GOLIM4: variants seen among roughly 807,000 people sequenced by gnomAD.
GOLIM4 encodes the protein 130 kDa golgi-localized phosphoprotein.
Under a neutral mutation model 107.4 loss-of-function variants are expected in GOLIM4, and 71 were observed. That is an observed-to-expected ratio of 0.66 (90% CI 0.55 to 0.81). The LOEUF (loss-of-function observed/expected upper bound fraction) is 0.81, where lower values mean the gene tolerates loss of function less well. Among genes scored for constraint, GOLIM4 ranks in the 30% least tolerant of loss-of-function variants. The pLI is 0.00. For missense variants in GOLIM4, 830 were observed against 826.1 expected (o/e 1.00, Z -0.06); for synonymous variants, 327 against 294.8 (o/e 1.11, Z -1.12).
intron 3 of GOLIM4, among the ~76,000 whole-genome samples, chr3:168,046,616 C>T (rs917107490): frequency 6.6e-6 from 1 of 152,176 alleles, no homozygotes; most frequent in African/African-American, 2.4e-5. Flanking sequence ...TCCTGTGTTG[C>T]ATGTTACACA....
chr3:168,044,000 T>C (rs6795275), intron 4 of GOLIM4, among the ~76,000 whole-genome samples: 4 of 152,244 alleles, frequency 2.6e-5, no homozygotes, highest in Admixed American at 1.3e-4. Flanking sequence ...CCTTTGGGAA[T>C]AGTAATCAAC....
At chr3:168,046,006 A>C (rs1001492449) in intron 3 of GOLIM4, among the ~76,000 whole-genome samples, 2 of 152,116 alleles carry the variant, frequency 1.3e-5, no homozygotes, top group Non-Finnish European at 2.9e-5. Context: ...TCAGCTCTCA[A>C]GTAGCTGGGA....
rs570181545 is a variant in GOLIM4, at chr3:168,059,440, T to C, written c.188-11075A>G. Among the ~76,000 whole-genome samples the C allele has an allele frequency of 7.9e-5, 12 of 152,356 alleles. No homozygotes were observed. In the South Asian group the frequency reaches 1.9e-3, roughly 24 times the overall value. ...TGCAACATATCTTGGAAAAGGTTCA[T>C]AAAAGTAAGTCTTGTAAAAAGATGC... On this transcript the variant is annotated intron_variant, in intron 1 of 15. Coordinates refer to ENST00000470487, the MANE Select transcript of GOLIM4 (RefSeq NM_014498.5).
At chr3:168,078,497 A>G (rs28691822) in intron 1 of GOLIM4, among the ~76,000 whole-genome samples, 29,775 of 152,122 alleles carry the variant, frequency 0.2, 3,657 homozygotes, top group Middle Eastern at 0.29. Context: ...CTAGCACATC[A>G]GAATTTAAAA....
rs1560117106 is a variant in GOLIM4 at position 168,095,678 on chromosome 3, C to A, written c.-393G>T. The A allele has an allele frequency of 5.2e-6, 1 of 193,168 alleles. No homozygotes were observed. Among genetic ancestry groups the A allele is most frequent in the East Asian group, 1.8e-4 (1 of 5,676 alleles). The allele number at this position is 193,168 out of a possible 1,614,324, so 12.0% of individuals were successfully genotyped here. A position where few individuals can be genotyped will look rare whatever the true frequency, so the allele number is the denominator to read the frequency against. Reference sequence around the variant, plus strand: ...CTTGGAGTCCCGCCCTGGCCACTCCCCGCCCTATCGCGGCGGCTCCCACTG... The same window carrying A: ...CTTGGAGTCCCGCCCTGGCCACTCCACGCCCTATCGCGGCGGCTCCCACTG... On this transcript the variant is annotated 5_prime_UTR_variant, in exon 1 of 16. Transcript: ENST00000470487.
intron 5 of GOLIM4, among the ~76,000 whole-genome samples, chr3:168,043,091 C>T (rs552690629): frequency 6.6e-6 from 1 of 152,292 alleles, no homozygotes; most frequent in East Asian, 1.9e-4. Flanking sequence ...TGTCTCGCAA[C>T]CCAGTTAAGA....
At chr3:168,033,380 T>C (rs900809174) in intron 8 of GOLIM4, among the ~76,000 whole-genome samples, 56 of 150,556 alleles carry the variant, frequency 3.7e-4, no homozygotes, top group Non-Finnish European at 7.0e-4. Flanking sequence ...TCGAGGCGGG[T>C]GGATCACGAG....
At chr3:168,076,216 T>TA (rs1345051710) in intron 1 of GOLIM4, among the ~76,000 whole-genome samples, 1 of 152,244 alleles carries the variant, frequency 6.6e-6, no homozygotes, top group Non-Finnish European at 1.5e-5. Context: ...ACTTAATTTT[T>TA]AAATAAAAGA....
Position 168,095,486 on chromosome 3 carries a change from C to T in GOLIM4, c.-201G>A, listed in dbSNP as rs1722145511. 2.3e-5 allele frequency: 12 copies of T among 528,492 alleles called. 1 individual carries two copies. Among genetic ancestry groups the T allele is most frequent in the Non-Finnish European group, 3.3e-5 (10 of 302,322 alleles). The allele number at this position is 528,492 out of a possible 1,614,324, so 32.7% of individuals were successfully genotyped here. On this transcript the variant is annotated 5_prime_UTR_variant, in exon 1 of 16. Coordinates refer to ENST00000470487, the MANE Select transcript of GOLIM4 (RefSeq NM_014498.5). ...GGGGCGCGCAGCCATCGACGCCGCCCGGGCAGCTGCAGCCAAACTTCTGCG... is the reference window on the plus strand; with the variant it reads ...GGGGCGCGCAGCCATCGACGCCGCCTGGGCAGCTGCAGCCAAACTTCTGCG...
chr3:168,012,790 AG>A (rs1358295318), intron 14 of GOLIM4, among the ~76,000 whole-genome samples: 2 of 152,132 alleles, frequency 1.3e-5, no homozygotes, highest in Admixed American at 6.5e-5. Context: ...AGCCAAACTA[AG>A]CTTCATAAGC....
At position 168,095,511 on chromosome 3, in the gene GOLIM4, G is replaced by A. The variant is rs1223910265; in HGVS notation, c.-226C>T. On this transcript the variant is annotated 5_prime_UTR_variant, in exon 1 of 16. Coordinates refer to ENST00000470487, the MANE Select transcript of GOLIM4 (RefSeq NM_014498.5). ...CGGGCAGCTGCAGCCAAACTTCTGCGAGGCTCGTTCTCCGCGAATGCCCGG... is the reference window on the plus strand; with the variant it reads ...CGGGCAGCTGCAGCCAAACTTCTGCAAGGCTCGTTCTCCGCGAATGCCCGG... 4.0e-6 allele frequency: 2 copies of A among 505,844 alleles called. No individual in the cohort carries two copies. Among genetic ancestry groups the A allele is most frequent in the South Asian group, 2.5e-5 (1 of 39,692 alleles). 31.3% of individuals were successfully genotyped at this position (505,844 alleles called of 1,614,324 possible).
intron 1 of GOLIM4, among the ~76,000 whole-genome samples, chr3:168,054,602 C>CT: frequency 6.6e-6 from 1 of 151,826 alleles, no homozygotes; most frequent in Admixed American, 6.6e-5. Context: ...TTTGTTTTTA[C>CT]TTATTAATTA....
intron 14 of GOLIM4, among the ~76,000 whole-genome samples, chr3:168,021,601 G>A (rs1357167710): frequency 6.6e-6 from 1 of 152,076 alleles, no homozygotes; most frequent in Admixed American, 6.5e-5. Context: ...GGAAGGCGGA[G>A]GTTGCAGTGA....
intron 1 of GOLIM4, 33 bp from the exon 2 acceptor site, chr3:168,048,398 G>A: frequency 9.6e-7 from 1 of 1,046,022 alleles, no homozygotes; most frequent in East Asian, 2.5e-5. Flanking sequence ...TGTCTTCAAA[G>A]AATTAGAAAT....
chr3:168,095,058 G>A (rs769732529), intron 1 of GOLIM4, 41 bp downstream of exon 1: 128 of 1,523,488 alleles, frequency 8.4e-5, no homozygotes, highest in Non-Finnish European at 1.1e-4. Context: ...GAGGCGCGGG[G>A]CAAAGTTGGC....
intron 1 of GOLIM4, among the ~76,000 whole-genome samples, chr3:168,084,357 G>A (rs745518721): frequency 6.6e-6 from 1 of 152,160 alleles, no homozygotes; most frequent in Non-Finnish European, 1.5e-5. Context: ...AGCAATGTGA[G>A]AACAGACTAA....
At chr3:168,082,545 C>G (rs528245691) in intron 1 of GOLIM4, among the ~76,000 whole-genome samples, 13 of 152,154 alleles carry the variant, frequency 8.5e-5, no homozygotes, top group African/African-American at 2.9e-4. Flanking sequence ...TCACATGGAC[C>G]CTGCTCGAAC....
intron 1 of GOLIM4, among the ~76,000 whole-genome samples, chr3:168,064,376 C>T (rs1332100440): frequency 2.0e-5 from 3 of 152,128 alleles, no homozygotes; most frequent in Non-Finnish European, 4.4e-5. Context: ...AAATCCAAGA[C>T]AGCACATATT....
rs574454015 is a variant in GOLIM4 at position 168,044,979 on chromosome 3, C to T, written c.313-98G>A. ...TTAAAATATAACTTTATTTATTTCA[C>T]TTGTGTACAGTAAAATGAATTCTAC... On this transcript the variant is annotated intron_variant, in intron 3 of 15. Transcript: ENST00000470487. 58 of 655,282 alleles carry T rather than the reference C, an allele frequency of 8.9e-5. No homozygotes were observed. The East Asian group carries it at 1.1e-3, about 13-fold the overall frequency. 40.6% of individuals were successfully genotyped at this position (655,282 alleles called of 1,614,324 possible).
Sources: allele counts gnomAD v4.1 joint callset (sites outside exome capture counted in the v4.1 genomes callset), GRCh38; gene constraint gnomAD v4.1.1; transcripts MANE v1.5; gene names NCBI Gene and HGNC (gene_info 2026-07-23, HGNC 2026-07-21).